Variants in GUCY1B1 observed in about 807,000 individuals in gnomAD.
GUCY1B1 encodes the protein guanylate cyclase 1 soluble subunit beta 1.
In GUCY1B1, 43 loss-of-function variants were observed where a neutral mutation model predicts 71.0. The ratio of observed to expected loss-of-function variants is 0.61; its 90% CI spans 0.47 to 0.78. GUCY1B1 has a LOEUF of 0.78. Among genes scored for constraint, GUCY1B1 ranks in the 30% least tolerant of loss-of-function variants. GUCY1B1 has a pLI of 0.00. For synonymous variants in GUCY1B1, 266 were observed against 259.7 expected (o/e 1.02, Z -0.23); for missense variants, 535 against 754.1 (o/e 0.71, Z 3.40).
intron 2 of GUCY1B1, among the ~76,000 whole-genome samples, chr4:155,770,500 T>C (rs1579197921): frequency 6.6e-6 from 1 of 152,238 alleles, no homozygotes; most frequent in African/African-American, 2.4e-5. Flanking sequence ...ATTCAAAATT[T>C]CTACTAGCTT....
intron 2 of GUCY1B1, among the ~76,000 whole-genome samples, chr4:155,762,326 G>A (rs1010162699): frequency 1.4e-5 from 2 of 147,746 alleles, no homozygotes; most frequent in African/African-American, 4.9e-5. Context: ...AATATAAGAG[G>A]AAAAACATTT....
At chr4:155,795,870 T>A (rs13126738) in intron 7 of GUCY1B1, among the ~76,000 whole-genome samples, 2,815 of 152,280 alleles carry the variant, frequency 0.018, 41 homozygotes, top group South Asian at 0.042. Flanking sequence ...TGAATAAAAG[T>A]GATGAAATAT....
rs1413353032 is a variant in GUCY1B1 at position 155,775,159 on chromosome 4, AGTG to A, written c.178+95_178+97del. 13 of 762,844 alleles carry A rather than the reference AGTG, an allele frequency of 1.7e-5. 1 individual carries two copies. Among genetic ancestry groups the A allele is most frequent in the Admixed American group, 7.3e-5 (4 of 54,624 alleles). The allele number at this position is 762,844 out of a possible 1,614,324, so 47.3% of individuals were successfully genotyped here. A position where few individuals can be genotyped will look rare whatever the true frequency, so the allele number is the denominator to read the frequency against. On this transcript the variant is annotated intron_variant, in intron 3 of 13. Coordinates refer to ENST00000264424, the MANE Select transcript of GUCY1B1 (RefSeq NM_000857.5). ...CAAGATCACAACGCAGGGTTACAGA[AGTG>A]GTGCAGAGCATTTGTACAACCTGCA... is the stretch of plus-strand genomic sequence containing the variant.
chr4:155,767,841 T>G (rs1468837215), intron 2 of GUCY1B1, among the ~76,000 whole-genome samples: 2 of 152,160 alleles, frequency 1.3e-5, no homozygotes, highest in African/African-American at 2.4e-5. Flanking sequence ...AAAGTTTTAC[T>G]TTTTTAGATG....
intron 2 of GUCY1B1, among the ~76,000 whole-genome samples, chr4:155,762,712 A>G (rs184803273): frequency 6.6e-6 from 1 of 152,228 alleles, no homozygotes; most frequent in African/African-American, 2.4e-5. Context: ...CAGATAGTAA[A>G]TGTTTTAGGT....
rs185891349 is a variant in GUCY1B1, at chr4:155,772,583, A to T, written c.78-2385A>T. On this transcript the variant is annotated intron_variant, in intron 2 of 13. Coordinates refer to ENST00000264424, the MANE Select transcript of GUCY1B1 (RefSeq NM_000857.5). ...AGACTTGCGCCACCACACCTGCCTA[A>T]TTTTTTTTTTATTTCTAGGAGAGAA... 9.0e-3 allele frequency: 4,647 copies of T among 514,072 alleles called. 27 individuals are homozygous for T. The highest frequency in any genetic ancestry group is 0.014 in the South Asian group (595 of 42,210). 31.8% of individuals were successfully genotyped at this position (514,072 alleles called of 1,614,324 possible).
At chr4:155,770,166 G>A (rs1275900708) in intron 2 of GUCY1B1, among the ~76,000 whole-genome samples, 1 of 152,156 alleles carries the variant, frequency 6.6e-6, no homozygotes, top group African/African-American at 2.4e-5. Context: ...AATTGTTTAT[G>A]TAATCTGAAT....
At chr4:155,784,102 T>C (rs547095170) in intron 4 of GUCY1B1, among the ~76,000 whole-genome samples, 181 of 152,270 alleles carry the variant, frequency 1.2e-3, no homozygotes, top group African/African-American at 4.0e-3. Context: ...TAACTGTTTT[T>C]CTTTAATTAA....
Position 155,802,304 on chromosome 4 carries a change from A to G in GUCY1B1, c.1176-38A>G, listed in dbSNP as rs1554013731. The G allele has an allele frequency of 6.2e-7, 1 of 1,612,548 alleles. No homozygotes were observed. The highest frequency in any genetic ancestry group is 1.1e-5 in the South Asian group (1 of 90,912). On this transcript the variant is annotated intron_variant, in intron 9 of 13. Transcript: ENST00000264424. The surrounding 1 kb of genome is among the most constrained non-coding windows in gnomAD (Gnocchi z 4.3). Reference sequence around the variant, plus strand: ...CAGAAGCACTAAAGGCTTTCCCAGTATTTCTTACAGTGGCTTTCTGCTGAT... The same window carrying G: ...CAGAAGCACTAAAGGCTTTCCCAGTGTTTCTTACAGTGGCTTTCTGCTGAT...
chr4:155,801,474 T>G (rs1739947661), intron 9 of GUCY1B1, among the ~76,000 whole-genome samples: 1 of 152,208 alleles, frequency 6.6e-6, no homozygotes, highest in Non-Finnish European at 1.5e-5. Context: ...TCATAAAACA[T>G]TCAATGTTTA....
At chr4:155,771,342 A>G (rs2111007377) in intron 2 of GUCY1B1, among the ~76,000 whole-genome samples, 1 of 152,306 alleles carries the variant, frequency 6.6e-6, no homozygotes, top group Middle Eastern at 3.4e-3. Context: ...AAAGGAAAGG[A>G]CCAATGCATT....
At chr4:155,786,702 T>C (rs1282467022) in intron 4 of GUCY1B1, among the ~76,000 whole-genome samples, 1 of 151,936 alleles carries the variant, frequency 6.6e-6, no homozygotes, top group Non-Finnish European at 1.5e-5. Context: ...CTTGATCTCC[T>C]GACCTTGTGA....
intron 6 of GUCY1B1, among the ~76,000 whole-genome samples, chr4:155,794,440 A>G (rs1444763092): frequency 3.3e-5 from 5 of 152,210 alleles, no homozygotes; most frequent in Non-Finnish European, 7.3e-5. Flanking sequence ...ATCTGTAAAT[A>G]GCTTTAAAAA....
At chr4:155,760,858 C>T (rs903890090) in intron 2 of GUCY1B1, among the ~76,000 whole-genome samples, 3 of 152,204 alleles carry the variant, frequency 2.0e-5, no homozygotes, top group Non-Finnish European at 2.9e-5. Flanking sequence ...TTAGTGATTT[C>T]ATTTTGTTGT....
intron 5 of GUCY1B1, 120 bp from the exon 6 acceptor site, chr4:155,793,736 G>A (rs1456261113): frequency 3.3e-6 from 2 of 603,334 alleles, no homozygotes; most frequent in Non-Finnish European, 6.0e-6. Context: ...TTGCATATAT[G>A]TTTTGAATTT....
chr4:155,773,130 C>T (rs1472628938), intron 2 of GUCY1B1, among the ~76,000 whole-genome samples: 2 of 152,196 alleles, frequency 1.3e-5, no homozygotes, highest in South Asian at 2.1e-4. Context: ...TGGCAATGTA[C>T]AGGGATTCCG....
At position 155,806,914 on chromosome 4, in the gene GUCY1B1, G is replaced by A. The variant is rs908536469; in HGVS notation, c.*505G>A. The A allele has an allele frequency of 6.6e-6, 1 of 152,232 alleles. No homozygotes were observed. Among genetic ancestry groups the A allele is most frequent in the African/African-American group, 2.4e-5 (1 of 41,430 alleles). 9.4% of individuals were successfully genotyped at this position (152,232 alleles called of 1,614,324 possible). A position where few individuals can be genotyped will look rare whatever the true frequency, so the allele number is the denominator to read the frequency against. On this transcript the variant is annotated 3_prime_UTR_variant, in exon 14 of 14. Transcript: ENST00000264424. The stretch of plus-strand genomic sequence containing the variant: ...CATTTTCTAAAGGAGTGAATTCTAA[G>A]TTTTAGGGGAAAAAATGCAATTTAT...
chr4:155,769,394 T>C (rs1737551916), intron 2 of GUCY1B1, among the ~76,000 whole-genome samples: 1 of 152,136 alleles, frequency 6.6e-6, no homozygotes, highest in Non-Finnish European at 1.5e-5. Context: ...AACTTGAACC[T>C]CTCTAAATAT....
At chr4:155,801,014 C>G (rs186149135) in intron 9 of GUCY1B1, among the ~76,000 whole-genome samples, 419 of 152,168 alleles carry the variant, frequency 2.8e-3, no homozygotes, top group Non-Finnish European at 4.4e-3. Flanking sequence ...AGATAAATAA[C>G]CAGCACTATA....
Sources: allele counts gnomAD v4.1 joint callset (sites outside exome capture counted in the v4.1 genomes callset), GRCh38; gene constraint gnomAD v4.1.1; non-coding constraint Gnocchi (gnomAD v3.1); transcripts MANE v1.5; gene names NCBI Gene and HGNC (gene_info 2026-07-23, HGNC 2026-07-21).